The following PHACTR4 variants were observed in gnomAD, a reference collection of about 807,000 sequenced individuals.
The protein encoded by PHACTR4 is phosphatase and actin regulator 4, also known as protein phosphatase 1, regulatory subunit 124.
A neutral mutation model predicts 72.7 loss-of-function variants in PHACTR4; 51 were observed. That is an observed-to-expected ratio of 0.70 (90% confidence interval 0.56 to 0.89). The LOEUF is 0.89. Among genes scored for constraint, PHACTR4 ranks in the 40% least tolerant of loss-of-function variants. PHACTR4 has a pLI of 0.00. For synonymous variants in PHACTR4, 255 were observed against 302.5 expected (o/e 0.84, Z 1.63); for missense variants, 731 against 861.8 (o/e 0.85, Z 1.90).
At chr1:28,413,258 G>A (rs919538297) in intron 2 of PHACTR4, among the ~76,000 whole-genome samples, 10 of 152,212 alleles carry the variant, frequency 6.6e-5, no homozygotes, top group African/African-American at 2.2e-4. Context: ...TGGGTACTGT[G>A]TTCTTAGCTT....
intron 6 of PHACTR4, among the ~76,000 whole-genome samples, chr1:28,470,087 G>T (rs971680852): frequency 6.7e-6 from 1 of 149,942 alleles, no homozygotes; most frequent in Non-Finnish European, 1.5e-5. Flanking sequence ...TATGATGAGA[G>T]ACATTAAAAC....
chr1:28,452,723 G>A (rs1569999705), intron 2 of PHACTR4, among the ~76,000 whole-genome samples: 1 of 152,224 alleles, frequency 6.6e-6, no homozygotes, highest in Non-Finnish European at 1.5e-5. Flanking sequence ...TTGAACCTGG[G>A]AGGCGGAGGT....
intron 6 of PHACTR4, among the ~76,000 whole-genome samples, chr1:28,472,619 T>G (rs1659631623): frequency 6.6e-6 from 1 of 151,682 alleles, no homozygotes; most frequent in Non-Finnish European, 1.5e-5. Context: ...ACTTTTTTTT[T>G]TTTGAGTCAG....
At chr1:28,374,357 C>G (rs1024918194) in intron 1 of PHACTR4, among the ~76,000 whole-genome samples, 4 of 152,204 alleles carry the variant, frequency 2.6e-5, no homozygotes, top group Admixed American at 2.0e-4. Context: ...AATGCTCTCT[C>G]TAGTTTCTGC....
chr1:28,459,903 A>G (rs959772109), intron 3 of PHACTR4, among the ~76,000 whole-genome samples: 4 of 152,198 alleles, frequency 2.6e-5, no homozygotes, highest in Non-Finnish European at 1.5e-5. Flanking sequence ...TGATACATAC[A>G]TAAATAAAAT....
intron 9 of PHACTR4, among the ~76,000 whole-genome samples, chr1:28,482,349 C>G (rs1193134327): frequency 2.0e-5 from 3 of 152,070 alleles, no homozygotes; most frequent in Admixed American, 2.0e-4. Flanking sequence ...ACAGTCACAC[C>G]CATATTTGCA....
chr1:28,468,094 G>A (rs2124489026), intron 6 of PHACTR4, among the ~76,000 whole-genome samples: 1 of 152,298 alleles, frequency 6.6e-6, no homozygotes, highest in South Asian at 2.1e-4. Context: ...TATTTTATGA[G>A]TATGACAGTT....
intron 2 of PHACTR4, among the ~76,000 whole-genome samples, chr1:28,427,074 GCC>G (rs1655917156): frequency 6.6e-6 from 1 of 152,158 alleles, no homozygotes; most frequent in Admixed American, 6.5e-5. Flanking sequence ...GTGGCTAGTG[GCC>G]ACAGTATTGG....
At position 28,489,174 on chromosome 1, in the gene PHACTR4, C is replaced by A; in HGVS notation, c.1765C>A (p.Leu589Met). Reference protein sequence around the residue: ...HQIGNTLIRRLSQRPTPEELE... With the variant: ...HQIGNTLIRRMSQRPTPEELE... ...CTTTATTTATCTCATTTTTAGGCGACTGAGTCAAAGACCAACACCAGAAGA... is the reference window on the plus strand; with the variant it reads ...CTTTATTTATCTCATTTTTAGGCGAATGAGTCAAAGACCAACACCAGAAGA... Residue 589 changes from leucine (L) to methionine (M), a missense_variant, in exon 10 of 14, where the codon CTG becomes ATG. This residue lies in a region of PHACTR4 where 110 missense variants were observed against 185.2 expected (regional missense o/e 0.59). Transcript: ENST00000373839. The A allele has an allele frequency of 6.2e-7, 1 of 1,611,476 alleles. No homozygotes were observed. Among genetic ancestry groups the A allele is most frequent in the Non-Finnish European group, 8.5e-7 (1 of 1,178,560 alleles).
At chr1:28,404,480 A>G (rs570796100) in intron 1 of PHACTR4, among the ~76,000 whole-genome samples, 1 of 150,674 alleles carries the variant, frequency 6.6e-6, no homozygotes, top group African/African-American at 2.4e-5. Flanking sequence ...ACAGGGTTTC[A>G]CCATATTGAC....
chr1:28,419,064 A>G (rs947295081), intron 2 of PHACTR4, among the ~76,000 whole-genome samples: 13 of 75,274 alleles, frequency 1.7e-4, no homozygotes, highest in Admixed American at 5.6e-4. Flanking sequence ...GAAGTTTTCT[A>G]TGTACAGTAG....
At chr1:28,370,027 C>G (rs770098707) in intron 1 of PHACTR4, among the ~76,000 whole-genome samples, 2 of 152,160 alleles carry the variant, frequency 1.3e-5, no homozygotes, top group Non-Finnish European at 2.9e-5. Flanking sequence ...CGGTCCAACC[C>G]GGGCTTCTCC....
chr1:28,460,516 T>C (rs1658719705), intron 4 of PHACTR4, among the ~76,000 whole-genome samples: 1 of 151,720 alleles, frequency 6.6e-6, no homozygotes, highest in Non-Finnish European at 1.5e-5. Context: ...TGTCTTTTTT[T>C]TCCCCCCCTT....
intron 1 of PHACTR4, among the ~76,000 whole-genome samples, chr1:28,389,314 G>A (rs187296093): frequency 1.3e-5 from 2 of 152,056 alleles, no homozygotes; most frequent in East Asian, 1.9e-4. Context: ...ACCTCACACC[G>A]TGTTAGAATG....
At chr1:28,383,012 C>T (rs939130313) in intron 1 of PHACTR4, among the ~76,000 whole-genome samples, 5 of 152,044 alleles carry the variant, frequency 3.3e-5, no homozygotes, top group Non-Finnish European at 2.9e-5. Context: ...AGGCTGGTCT[C>T]GAACTCCTGA....
At chr1:28,414,659 T>C (rs1654997438) in intron 2 of PHACTR4, among the ~76,000 whole-genome samples, 1 of 152,186 alleles carries the variant, frequency 6.6e-6, no homozygotes, top group Admixed American at 6.5e-5. Context: ...ATTACAGGCA[T>C]GAGCCATTGC....
intron 1 of PHACTR4, among the ~76,000 whole-genome samples, chr1:28,404,545 A>G (rs1654188015): frequency 6.6e-6 from 1 of 151,906 alleles, no homozygotes. Flanking sequence ...AGCCTCCCAA[A>G]GTGCTGGGAT....
intron 2 of PHACTR4, among the ~76,000 whole-genome samples, chr1:28,437,223 TTTTATTTTTATTTA>T (rs1656692951): frequency 6.6e-6 from 1 of 152,106 alleles, no homozygotes; most frequent in South Asian, 2.1e-4. Context: ...TCTTTCTTTC[TTTTATTTTTATTTA>T]TTTATTTTTG....
At chr1:28,480,399 C>G in intron 8 of PHACTR4, 52 bp from the exon 9 acceptor site, 1 of 1,602,130 alleles carries the variant, frequency 6.2e-7, no homozygotes. Context: ...TAAGGTTGAA[C>G]CTTTGGCTTT....
Sources: gnomAD v4.1 joint callset for allele counts (sites outside exome capture counted in the v4.1 genomes callset) on GRCh38, gnomAD v4.1.1 for gene constraint, gnomAD v4.1.1 regional missense constraint, MANE v1.5 for transcripts, NCBI Gene and HGNC (gene_info 2026-07-23, HGNC 2026-07-21) for gene names.